The following AXIN2 variants were observed in gnomAD, a reference collection of about 807,000 sequenced individuals.
The protein encoded by AXIN2 is axin-2.
Under a neutral mutation model 74.7 loss-of-function variants are expected in AXIN2, and 21 were observed. The observed-to-expected ratio is 0.28, with a 90% CI of 0.20 to 0.40. AXIN2 has a LOEUF of 0.40. Among genes scored for constraint, AXIN2 ranks in the 10% least tolerant of loss-of-function variants. AXIN2 has a pLI of 1.00. For missense variants in AXIN2, 1,144 were observed against 1,111.1 expected, an observed-to-expected ratio of 1.03 and a Z score of -0.42; for synonymous variants, 532 against 454.9, an observed-to-expected ratio of 1.17 and a Z score of -2.16.
chr17:65,561,215 G>T, intron 1 of AXIN2: 1 of 148,948 alleles, frequency 6.7e-6, no homozygotes, highest in South Asian at 2.1e-4. Flanking sequence ...GGCGCGAGCC[G>T]AGCGCACGGT....
intron 9 of AXIN2, among the ~76,000 whole-genome samples, chr17:65,535,124 A>G (rs2043886470): frequency 6.6e-6 from 1 of 152,236 alleles, no homozygotes; most frequent in South Asian, 2.1e-4. Flanking sequence ...TTTCTTTTTA[A>G]TTGCACCATC....
chr17:65,531,868 C>T lies in AXIN2; in HGVS notation c.2406-1766G>A, dbSNP rs563781134. On this transcript the variant is annotated intron_variant, in intron 10 of 10. Coordinates refer to ENST00000307078, the MANE Select transcript of AXIN2 (RefSeq NM_004655.4). ...CCCCTGCCATGTTGAGATTACTCAA[C>T]GCATCCCAGGTCCCCCCCACCTCCC... 2.0e-4 allele frequency among the ~76,000 whole-genome samples: 31 copies of T among 152,316 alleles called. No individual in the cohort carries two copies. In the South Asian group the frequency reaches 3.7e-3, roughly 18 times the overall value.
intron 4 of AXIN2, among the ~76,000 whole-genome samples, chr17:65,540,004 C>T (rs939159984): frequency 7.2e-5 from 11 of 152,318 alleles, no homozygotes; most frequent in Admixed American, 2.0e-4. Context: ...GAAGAAGCTG[C>T]TCAGGAGATC....
In AXIN2 at chr17:65,537,918, AC is replaced by A. The variant is rs76682777; in HGVS notation, c.1201-84del. On this transcript the variant is annotated intron_variant, in intron 5 of 10. Transcript: ENST00000307078. ...CTGGGGTTGCAACATTCGGCTCCCT[AC>A]GCAGGAGCACGCACACCCGTGTGCA... 157,513 of 1,467,252 alleles carry A rather than the reference AC, an allele frequency of 0.11. 8,933 individuals carry two copies. The highest frequency in any genetic ancestry group is 0.21 in the Middle Eastern group (1,156 of 5,594). The allele number at this position is 1,467,252 out of a possible 1,614,324, so 90.9% of individuals were successfully genotyped here.
chr17:65,561,439 T>A lies in AXIN2; in HGVS notation c.-117+11A>T, dbSNP rs886053283. On this transcript the variant is annotated intron_variant, in intron 1 of 10. Coordinates refer to ENST00000307078, the MANE Select transcript of AXIN2 (RefSeq NM_004655.4). ...GAAGCGGCTCCGCTGGGGCCGAGCT[T>A]CCACCCCCACCTTTTACAGCAGGGC... 6.7e-6 allele frequency: 1 copy of A among 149,898 alleles called. No homozygotes were observed. The highest frequency in any genetic ancestry group is 1.5e-5 in the Non-Finnish European group (1 of 67,286). The allele number at this position is 149,898 out of a possible 1,614,324, so 9.3% of individuals were successfully genotyped here. A position where few individuals can be genotyped will look rare whatever the true frequency, so the allele number is the denominator to read the frequency against.
intron 8 of AXIN2, 74 bp from the exon 9 acceptor site, chr17:65,535,795 A>G (rs1598095983): frequency 7.2e-7 from 1 of 1,387,354 alleles, no homozygotes; most frequent in East Asian, 2.3e-5. Context: ...CAGACAGAAA[A>G]TTACTATTTG....
chr17:65,549,498 G>C (rs1358614069), intron 3 of AXIN2, 22 bp downstream of exon 3: 1 of 1,612,020 alleles, frequency 6.2e-7, no homozygotes, highest in Non-Finnish European at 8.5e-7. Context: ...CAAGCCCACG[G>C]AAGGGTGGCC....
chr17:65,533,778 C>G, intron 10 of AXIN2, 134 bp downstream of exon 10: 1 of 1,022,850 alleles, frequency 9.8e-7, no homozygotes, highest in Non-Finnish European at 1.5e-6. Flanking sequence ...AGAAGGGAGC[C>G]TCCCCCAGCG....
At chr17:65,557,489 G>A (rs1022903190) in intron 2 of AXIN2, among the ~76,000 whole-genome samples, 4 of 152,086 alleles carry the variant, frequency 2.6e-5, no homozygotes, top group African/African-American at 7.2e-5. Flanking sequence ...TGACTCAGAG[G>A]CATCAAAAGC....
rs1249645537 is a variant in AXIN2, at chr17:65,528,655, T to C, written c.*1321A>G. On this transcript the variant is annotated 3_prime_UTR_variant, in exon 11 of 11. Transcript: ENST00000307078. ...TTTTCCTTAAATGAACTCTTTATAA[T>C]GCATAATTTACAGTATAAGTAGAAC... 3 of 518,132 alleles carry C rather than the reference T, an allele frequency of 5.8e-6. No individual in the cohort carries two copies. The highest frequency in any genetic ancestry group is 2.5e-5 in the Admixed American group (1 of 39,712). The allele number at this position is 518,132 out of a possible 1,614,324, so 32.1% of individuals were successfully genotyped here.
At chr17:65,538,157 G>T (rs751897827) in intron 5 of AXIN2, 46 bp downstream of exon 5, 2 of 1,613,432 alleles carry the variant, frequency 1.2e-6, no homozygotes, top group Non-Finnish European at 8.5e-7. Context: ...ACATACGAGC[G>T]CTCACGCCGT....
chr17:65,538,437 C>G, intron 4 of AXIN2, 94 bp from the exon 5 acceptor site: 3 of 1,537,258 alleles, frequency 2.0e-6, no homozygotes, highest in Non-Finnish European at 2.7e-6. Flanking sequence ...CGCTGTGCAC[C>G]GCAAACCCAT....
intron 5 of AXIN2, 137 bp downstream of exon 5, chr17:65,538,066 A>AC: frequency 6.7e-7 from 1 of 1,493,336 alleles, no homozygotes. Flanking sequence ...CCAGGCACAC[A>AC]CCCACACGCA....
chr17:65,536,176 G>A, intron 8 of AXIN2, 144 bp downstream of exon 8: 1 of 847,832 alleles, frequency 1.2e-6, no homozygotes. Context: ...GAAAGCAGCA[G>A]CTTACTCATC....
At chr17:65,560,652 A>C (rs2044353710) in intron 1 of AXIN2, 1 of 150,990 alleles carries the variant, frequency 6.6e-6, no homozygotes. Context: ...GCTCCGGCGC[A>C]GGGCGCGCAA....
At chr17:65,538,861 G>A (rs1178858163) in intron 4 of AXIN2, among the ~76,000 whole-genome samples, 2 of 152,102 alleles carry the variant, frequency 1.3e-5, no homozygotes, top group East Asian at 3.9e-4. Flanking sequence ...CTGGATCAGA[G>A]AAGAAGTGGT....
In AXIN2 at chr17:65,558,341, G is replaced by C. The variant is rs2144588685; in HGVS notation, c.280C>G (p.Leu94Val). 1 of 1,614,196 alleles carries C rather than the reference G, an allele frequency of 6.2e-7. No homozygotes were observed. The highest frequency in any genetic ancestry group is 8.5e-7 in the Non-Finnish European group (1 of 1,180,026). Residue 94 changes from leucine to valine, a missense_variant, in exon 2 of 11, where the codon CTG (leucine) becomes GTG (valine). Transcript: ENST00000307078. ...TCCCTCTCCAGGAAAGTTCGGAACA[G>C]GTAAGCACCGTCTTGATCGCCCAAT... ...SLLGDQDGAY[L>V]FRTFLEREKC...
Position 65,538,236 on chromosome 17 carries a change from G to A in AXIN2, c.1167C>T (p.His389=), listed in dbSNP as rs2043978734. The A allele has an allele frequency of 1.2e-6, 2 of 1,614,210 alleles. No individual in the cohort carries two copies. The highest frequency in any genetic ancestry group is 1.7e-6 in the Non-Finnish European group (2 of 1,180,040). ...EKLKLELESR[H]SLEERLQQIR... ...TCTGCTGCAGGCGCTCCTCCAGGCTGTGGCGGCTCTCCAACTCCAGCTTCA... is the reference window on the plus strand; with the variant it reads ...TCTGCTGCAGGCGCTCCTCCAGGCTATGGCGGCTCTCCAACTCCAGCTTCA... The change falls in exon 5 of 11, where the codon CAC becomes CAT. Residue 389 remains histidine, a synonymous_variant. Transcript: ENST00000307078.
chr17:65,532,436 C>T (rs2043837903), intron 10 of AXIN2, among the ~76,000 whole-genome samples: 1 of 152,218 alleles, frequency 6.6e-6, no homozygotes, highest in Non-Finnish European at 1.5e-5. Flanking sequence ...GCAGCAGCAG[C>T]AGCCAGGCCT....
Sources: gnomAD v4.1 joint callset for allele counts (sites outside exome capture counted in the v4.1 genomes callset) on GRCh38, gnomAD v4.1.1 for gene constraint, MANE v1.5 for transcripts, NCBI Gene and HGNC (gene_info 2026-07-23, HGNC 2026-07-21) for gene names.